Variants in IGF2BP2 observed in about 807,000 individuals in gnomAD.
The protein encoded by IGF2BP2 is insulin-like growth factor 2 mRNA-binding protein 2.
A neutral mutation model predicts 75.8 loss-of-function variants in IGF2BP2; 17 were observed. The observed-to-expected ratio is 0.22, with a 90% CI of 0.15 to 0.34. IGF2BP2 has a LOEUF of 0.34. Among genes scored for constraint, IGF2BP2 ranks in the 10% least tolerant of loss-of-function variants. IGF2BP2 has a pLI of 1.00. For missense variants in IGF2BP2, 516 were observed against 772.4 expected (o/e 0.67, Z 3.93); for synonymous variants, 288 against 295.6 (o/e 0.97, Z 0.26).
chr3:185,750,942 C>T (rs1375461318), intron 2 of IGF2BP2, among the ~76,000 whole-genome samples: 6 of 152,202 alleles, frequency 3.9e-5, no homozygotes, highest in African/African-American at 7.2e-5. Flanking sequence ...CCTGGCTGGG[C>T]GTGGTGGCTC....
intron 10 of IGF2BP2, among the ~76,000 whole-genome samples, chr3:185,666,372 G>A (rs765635377): frequency 1.4e-4 from 21 of 152,144 alleles, no homozygotes; most frequent in African/African-American, 1.7e-4. Context: ...GGTGGCTCAC[G>A]CCTATAATCC....
chr3:185,707,465 T>C (rs1011322489), intron 2 of IGF2BP2, among the ~76,000 whole-genome samples: 4 of 151,712 alleles, frequency 2.6e-5, no homozygotes, highest in African/African-American at 9.7e-5. Flanking sequence ...CCCACTACCA[T>C]GCCCGGCTAA....
chr3:185,734,649 T>G lies in IGF2BP2; in HGVS notation c.240-36302A>C, dbSNP rs186390224. Among the ~76,000 whole-genome samples the G allele has an allele frequency of 4.3e-4, 66 of 152,328 alleles. No homozygotes were observed. The East Asian group carries it at 0.013, about 29-fold the overall frequency. On this transcript the variant is annotated intron_variant, in intron 2 of 15. Coordinates refer to ENST00000382199, the MANE Select transcript of IGF2BP2 (RefSeq NM_006548.6). ...AGTACGCTGAAACTTGTCTACAGTA[T>G]TTAAGGCAGCAGTAACGTGGAAAAA...
At chr3:185,749,830 T>C (rs981739780) in intron 2 of IGF2BP2, among the ~76,000 whole-genome samples, 2 of 152,164 alleles carry the variant, frequency 1.3e-5, no homozygotes, top group African/African-American at 4.8e-5. Flanking sequence ...GCCAAGAGCA[T>C]GAATTAGGTT....
At chr3:185,672,292 A>G (rs1718634626) in intron 10 of IGF2BP2, among the ~76,000 whole-genome samples, 1 of 152,196 alleles carries the variant, frequency 6.6e-6, no homozygotes, top group African/African-American at 2.4e-5. Flanking sequence ...TGAATTTGCT[A>G]TGAGTTTCTT....
intron 2 of IGF2BP2, among the ~76,000 whole-genome samples, chr3:185,752,586 A>C (rs535600493): frequency 1.3e-4 from 20 of 152,116 alleles, no homozygotes; most frequent in Admixed American, 6.6e-4. Context: ...GTAAGAGCAT[A>C]ATTTTAAACT....
chr3:185,731,321 A>C (rs1728144587), intron 2 of IGF2BP2, among the ~76,000 whole-genome samples: 1 of 146,366 alleles, frequency 6.8e-6, no homozygotes, highest in South Asian at 2.1e-4. Flanking sequence ...ATCTTGGTTC[A>C]CTGCGGCCTC....
intron 3 of IGF2BP2, among the ~76,000 whole-genome samples, chr3:185,697,412 C>G (rs1033605912): frequency 9.4e-5 from 13 of 138,362 alleles, no homozygotes; most frequent in Non-Finnish European, 9.7e-5. Flanking sequence ...AGGCAATAAT[C>G]GTGTGTTTTT....
chr3:185,705,278 G>A (rs1723863469), intron 2 of IGF2BP2, among the ~76,000 whole-genome samples: 1 of 152,122 alleles, frequency 6.6e-6, no homozygotes, highest in South Asian at 2.1e-4. Flanking sequence ...TGTATTTTTA[G>A]TAGAGACAGG....
intron 2 of IGF2BP2, among the ~76,000 whole-genome samples, chr3:185,768,520 C>T (rs982859630): frequency 3.3e-5 from 5 of 152,078 alleles, no homozygotes; most frequent in African/African-American, 4.8e-5. Context: ...TCCTTTAATA[C>T]TACTTAAATA....
chr3:185,682,637 A>T (rs1720553709), intron 7 of IGF2BP2, among the ~76,000 whole-genome samples: 1 of 152,236 alleles, frequency 6.6e-6, no homozygotes, highest in South Asian at 2.1e-4. Context: ...TTGAATAGAC[A>T]TTTCTCTAAA....
intron 2 of IGF2BP2, among the ~76,000 whole-genome samples, chr3:185,731,592 T>G (rs1017634777): frequency 1.3e-5 from 2 of 152,096 alleles, no homozygotes; most frequent in Admixed American, 1.3e-4. Flanking sequence ...CCATGCCTAG[T>G]CACTATGAAT....
chr3:185,806,065 G>A (rs7646519), intron 2 of IGF2BP2, among the ~76,000 whole-genome samples: 68,206 of 151,954 alleles, frequency 0.45, 18,355 homozygotes, highest in African/African-American at 0.77. Context: ...CAGCCTCCCA[G>A]AGTGCTGGGA....
At chr3:185,715,429 C>T (rs542551190) in intron 2 of IGF2BP2, among the ~76,000 whole-genome samples, 9 of 152,298 alleles carry the variant, frequency 5.9e-5, no homozygotes, top group Non-Finnish European at 1.2e-4. Flanking sequence ...AGTCAGTACA[C>T]GCCAGGTAAA....
rs756279741 is a variant in IGF2BP2 at position 185,824,769 on chromosome 3, C to G, written c.178+14G>C. The G allele has an allele frequency of 4.6e-5, 61 of 1,328,490 alleles. No individual in the cohort carries two copies. The highest frequency in any genetic ancestry group is 5.8e-5 in the Non-Finnish European group (59 of 1,019,192). The allele number at this position is 1,328,490 out of a possible 1,614,324, so 82.3% of individuals were successfully genotyped here. ...GGGGCGAGGCGGGGGGAGGGGGCCG[C>G]GCTGAGTGCTCACCCGAGAGGGTCT... On this transcript the variant is annotated intron_variant, in intron 1 of 15. Coordinates refer to ENST00000382199, the MANE Select transcript of IGF2BP2 (RefSeq NM_006548.6).
chr3:185,808,725 A>AC (rs773443045), intron 2 of IGF2BP2, among the ~76,000 whole-genome samples: 1 of 141,030 alleles, frequency 7.1e-6, no homozygotes, highest in Non-Finnish European at 1.6e-5. Flanking sequence ...ACACCTGGCT[A>AC]TTTTTTTTTT....
At chr3:185,813,504 T>A (rs1189665082) in intron 2 of IGF2BP2, among the ~76,000 whole-genome samples, 1 of 152,168 alleles carries the variant, frequency 6.6e-6, no homozygotes, top group African/African-American at 2.4e-5. Context: ...TACAGCTGGA[T>A]CCAGGAGACA....
chr3:185,776,533 C>T lies in IGF2BP2; in HGVS notation c.239+46620G>A, dbSNP rs77548619. Among the ~76,000 whole-genome samples, 412 of 152,212 alleles carry T rather than the reference C, an allele frequency of 2.7e-3. 1 individual carries two copies. Among genetic ancestry groups the T allele is most frequent in the African/African-American group, 9.5e-3 (396 of 41,532 alleles). On this transcript the variant is annotated intron_variant, in intron 2 of 15. Transcript: ENST00000382199. ...AAAGGATGCTGAGCCTCGTTTTGAA[C>T]GTGTTGAGTTGAGGGACTTAGGGAC...
intron 2 of IGF2BP2, among the ~76,000 whole-genome samples, chr3:185,727,218 A>C (rs1186449845): frequency 2.1e-5 from 1 of 46,938 alleles, no homozygotes; most frequent in African/African-American, 1.3e-4. Flanking sequence ...ACTCCGTCTC[A>C]AAAAAAAAAA....
Sources: allele counts gnomAD v4.1 joint callset (sites outside exome capture counted in the v4.1 genomes callset), GRCh38; gene constraint gnomAD v4.1.1; transcripts MANE v1.5; gene names NCBI Gene and HGNC (gene_info 2026-07-23, HGNC 2026-07-21).